The following PLD5 variants were observed in gnomAD, a reference collection of about 807,000 sequenced individuals.
PLD5 encodes the protein phospholipase D family member 5.
In PLD5, 36 loss-of-function variants were observed where a neutral mutation model predicts 61.1. The ratio of observed to expected loss-of-function variants is 0.59; its 90% CI spans 0.45 to 0.78. PLD5 has a LOEUF of 0.78. PLD5 is among the 30% of genes least tolerant of loss of function. The pLI is 0.00. For missense variants in PLD5, 515 were observed against 644.4 expected, an observed-to-expected ratio of 0.80 and a Z score of 2.17; for synonymous variants, 243 against 242.8, an observed-to-expected ratio of 1.00 and a Z score of -0.01.
At chr1:242,190,426 G>A (rs1264044231) in intron 5 of PLD5, among the ~76,000 whole-genome samples, 3 of 151,622 alleles carry the variant, frequency 2.0e-5, no homozygotes, top group East Asian at 2.0e-4. Flanking sequence ...GATTACAGGC[G>A]TGAGCCACCG....
chr1:242,164,789 A>G (rs1292930652), intron 5 of PLD5, among the ~76,000 whole-genome samples: 1 of 152,184 alleles, frequency 6.6e-6, no homozygotes, highest in Non-Finnish European at 1.5e-5. Context: ...AACTTAGTAT[A>G]CAGTTGCTTA....
chr1:242,400,708 A>G (rs1049043702), intron 1 of PLD5, among the ~76,000 whole-genome samples: 2 of 152,012 alleles, frequency 1.3e-5, no homozygotes, highest in East Asian at 1.9e-4. Flanking sequence ...AAGTCCCGGG[A>G]TCTTTTCCCA....
In PLD5 at chr1:242,089,035, A is replaced by G. The variant is rs1326161652; in HGVS notation, c.*819T>C. On this transcript the variant is annotated 3_prime_UTR_variant, in exon 10 of 10. Coordinates refer to ENST00000536534, the MANE Select transcript of PLD5 (RefSeq NM_001372062.1). ...TTGCTGGATATTAGCAGGTGGCTACATAATTTTTCTGAGCTTGAGAGAAAG... is the reference window on the plus strand; with the variant it reads ...TTGCTGGATATTAGCAGGTGGCTACGTAATTTTTCTGAGCTTGAGAGAAAG... The G allele has an allele frequency of 3.2e-6, 1 of 316,022 alleles. No individual in the cohort carries two copies. The highest frequency in any genetic ancestry group is 2.1e-5 in the African/African-American group (1 of 47,012). 19.6% of individuals were successfully genotyped at this position (316,022 alleles called of 1,614,324 possible).
chr1:242,396,297 G>C (rs544688706), intron 1 of PLD5, among the ~76,000 whole-genome samples: 8 of 152,232 alleles, frequency 5.3e-5, no homozygotes, highest in African/African-American at 1.9e-4. Context: ...TAAATAACTA[G>C]AGAGCCAACT....
At chr1:242,335,257 C>G (rs1470045786) in intron 2 of PLD5, among the ~76,000 whole-genome samples, 4 of 152,050 alleles carry the variant, frequency 2.6e-5, no homozygotes, top group Non-Finnish European at 4.4e-5. Flanking sequence ...AAACTTATTT[C>G]ATCTGTAAAA....
chr1:242,186,890 T>C (rs1240034268), intron 5 of PLD5, among the ~76,000 whole-genome samples: 1 of 152,210 alleles, frequency 6.6e-6, no homozygotes, highest in Non-Finnish European at 1.5e-5. Context: ...AAACACCTCA[T>C]CCACTTATTA....
intron 1 of PLD5, among the ~76,000 whole-genome samples, chr1:242,466,763 T>C (rs1441757239): frequency 6.6e-6 from 1 of 151,970 alleles, no homozygotes; most frequent in Admixed American, 6.6e-5. Flanking sequence ...CACAATGGCA[T>C]GCACCTGCAC....
chr1:242,155,813 G>A (rs1203416694), intron 5 of PLD5, among the ~76,000 whole-genome samples: 1 of 152,130 alleles, frequency 6.6e-6, no homozygotes, highest in Non-Finnish European at 1.5e-5. Flanking sequence ...GTGCTGAGAA[G>A]CATGTATATT....
At chr1:242,216,388 G>A (rs1039504217) in intron 5 of PLD5, among the ~76,000 whole-genome samples, 12 of 152,310 alleles carry the variant, frequency 7.9e-5, no homozygotes, top group African/African-American at 2.9e-4. Context: ...TCAGGATAGG[G>A]TTATGGCTAA....
At chr1:242,511,303 T>C (rs1482645399) in intron 1 of PLD5, among the ~76,000 whole-genome samples, 1 of 152,166 alleles carries the variant, frequency 6.6e-6, no homozygotes, top group East Asian at 1.9e-4. Context: ...TAATCTTCCT[T>C]ACAAAAAATT....
chr1:242,435,170 A>G (rs1665929185), intron 1 of PLD5, among the ~76,000 whole-genome samples: 1 of 152,048 alleles, frequency 6.6e-6, no homozygotes, highest in Non-Finnish European at 1.5e-5. Flanking sequence ...TGGATTTCCT[A>G]TTTGCGAATT....
intron 1 of PLD5, among the ~76,000 whole-genome samples, chr1:242,361,580 T>C (rs1019506684): frequency 6.6e-6 from 1 of 152,176 alleles, no homozygotes; most frequent in Admixed American, 6.5e-5. Flanking sequence ...AAAACAAAAT[T>C]TAAAATGCTA....
intron 1 of PLD5, among the ~76,000 whole-genome samples, chr1:242,476,200 C>T (rs913550582): frequency 1.3e-5 from 2 of 151,992 alleles, no homozygotes; most frequent in Non-Finnish European, 2.9e-5. Flanking sequence ...ACTAAAAATA[C>T]AAAAATTAGC....
chr1:242,157,463 T>C (rs1665475120), intron 5 of PLD5, among the ~76,000 whole-genome samples: 1 of 152,244 alleles, frequency 6.6e-6, no homozygotes, highest in East Asian at 1.9e-4. Context: ...TCAGCCTTTT[T>C]GGACTGGTTT....
At chr1:242,169,458 C>T (rs1305180073) in intron 5 of PLD5, among the ~76,000 whole-genome samples, 2 of 152,214 alleles carry the variant, frequency 1.3e-5, no homozygotes, top group Non-Finnish European at 2.9e-5. Flanking sequence ...CCAGGAGATA[C>T]CCTCCAGTGC....
intron 2 of PLD5, among the ~76,000 whole-genome samples, chr1:242,324,049 T>C (rs951127129): frequency 6.6e-6 from 1 of 151,942 alleles, no homozygotes; most frequent in African/African-American, 2.4e-5. Flanking sequence ...CTTCACCAGA[T>C]GCATAAAATG....
At chr1:242,267,315 C>T (rs945944965) in intron 3 of PLD5, among the ~76,000 whole-genome samples, 4 of 152,144 alleles carry the variant, frequency 2.6e-5, no homozygotes, top group African/African-American at 4.8e-5. Context: ...TCTGGCACAT[C>T]CAGCTGTGCT....
chr1:242,380,913 G>T (rs948720370), intron 1 of PLD5, among the ~76,000 whole-genome samples: 1 of 152,194 alleles, frequency 6.6e-6, no homozygotes, highest in African/African-American at 2.4e-5. Flanking sequence ...TGCTGGTGAG[G>T]TTGCATGGAA....
intron 2 of PLD5, among the ~76,000 whole-genome samples, chr1:242,327,997 C>T (rs921344100): frequency 1.3e-5 from 2 of 152,010 alleles, no homozygotes; most frequent in South Asian, 2.1e-4. Context: ...ACTGCTTAAG[C>T]CCAGGAGGTC....
Sources: gnomAD v4.1 joint callset for allele counts (sites outside exome capture counted in the v4.1 genomes callset) on GRCh38, gnomAD v4.1.1 for gene constraint, MANE v1.5 for transcripts, NCBI Gene and HGNC (gene_info 2026-07-23, HGNC 2026-07-21) for gene names.